The following SGK1 variants were observed in gnomAD, a reference collection of about 807,000 sequenced individuals.
SGK1 encodes serine/threonine-protein kinase Sgk1.
SGK1 carries 26 observed loss-of-function variants against 64.2 expected under a neutral mutation model. The observed-to-expected ratio is 0.40, with a 90% confidence interval of 0.30 to 0.56. The LOEUF is 0.56. Ranked by LOEUF, SGK1 falls within the 20% of genes least tolerant of loss-of-function variation. The pLI is 0.38. For synonymous variants in SGK1, 265 were observed against 239.7 expected (o/e 1.11, Z -0.98); for missense variants, 519 against 645.6 (o/e 0.80, Z 2.12).
intron 3 of SGK1, among the ~76,000 whole-genome samples, 162 bp downstream of exon 3, chr6:134,207,194 C>G (rs971924380): frequency 1.3e-5 from 2 of 152,080 alleles, no homozygotes; most frequent in African/African-American, 4.8e-5. Flanking sequence ...CCACTGCCCT[C>G]CAACCTGGGC....
chr6:134,179,765 T>C (rs1775304015), intron 3 of SGK1, among the ~76,000 whole-genome samples: 1 of 152,070 alleles, frequency 6.6e-6, no homozygotes, highest in Non-Finnish European at 1.5e-5. Context: ...TATCGCAGGG[T>C]TTATATTTTT....
intron 2 of SGK1, among the ~76,000 whole-genome samples, chr6:134,226,693 CAA>C (rs559207535): frequency 7.7e-6 from 1 of 130,116 alleles, no homozygotes. Flanking sequence ...GACCCTGTCT[CAA>C]AAAAAAAAAT....
intron 2 of SGK1, among the ~76,000 whole-genome samples, chr6:134,212,504 G>A (rs906041825): frequency 6.6e-6 from 1 of 151,950 alleles, no homozygotes; most frequent in Non-Finnish European, 1.5e-5. Context: ...CACTGCTCTC[G>A]AGGAGCTTAT....
chr6:134,208,814 AC>A (rs1433768722), intron 2 of SGK1, among the ~76,000 whole-genome samples: 1 of 150,724 alleles, frequency 6.6e-6, no homozygotes, highest in African/African-American at 2.5e-5. Flanking sequence ...ATACACACAT[AC>A]ACGCATGTAT....
At chr6:134,283,912 A>T (rs1196642368) in intron 1 of SGK1, among the ~76,000 whole-genome samples, 3 of 133,140 alleles carry the variant, frequency 2.3e-5, no homozygotes, top group South Asian at 2.6e-4. Context: ...AAAAAGCCTG[A>T]CCAATCTTTC....
chr6:134,303,265 G>A lies in SGK1; in HGVS notation c.69+14127C>T, dbSNP rs548316630. On this transcript the variant is annotated intron_variant, in intron 1 of 13. Transcript: ENST00000367858. ...AAATTAGCGGGGCGTGGTGGCAGGC[G>A]CCTGTAATCCCAGCTACTCAGGAGG... 3.9e-5 allele frequency among the ~76,000 whole-genome samples: 6 copies of A among 151,972 alleles called. No homozygotes were observed. In the South Asian group the frequency reaches 1.0e-3, roughly 26 times the overall value.
At chr6:134,185,014 C>T (rs1463496327) in intron 3 of SGK1, among the ~76,000 whole-genome samples, 1 of 152,244 alleles carries the variant, frequency 6.6e-6, no homozygotes, top group Non-Finnish European at 1.5e-5. Flanking sequence ...TTTGCCACAT[C>T]ATCCCTGGTG....
intron 3 of SGK1, among the ~76,000 whole-genome samples, chr6:134,182,661 C>A (rs575024732): frequency 6.6e-6 from 1 of 152,280 alleles, no homozygotes; most frequent in South Asian, 2.1e-4. Flanking sequence ...CAAAACAATA[C>A]ATCAAGTAAT....
chr6:134,307,576 A>G lies in SGK1; in HGVS notation c.69+9816T>C, dbSNP rs1167980002. ...CATACCCTCCCTAACATTTAAAATG[A>G]TCTCTAGATTGCTTATAATAGCAAA... On this transcript the variant is annotated intron_variant, in intron 1 of 13. Coordinates refer to ENST00000367858, the MANE Select transcript of SGK1 (RefSeq NM_001143676.3). Among the ~76,000 whole-genome samples the G allele has an allele frequency of 2.6e-5, 4 of 152,168 alleles. No individual in the cohort carries two copies. In the South Asian group the frequency reaches 8.3e-4, roughly 32 times the overall value.
rs779590533 is a variant in SGK1, at chr6:134,174,602, G to C, written c.362-16C>G. 14 of 1,611,942 alleles carry C rather than the reference G, an allele frequency of 8.7e-6. No individual in the cohort carries two copies. The highest frequency in any genetic ancestry group is 1.7e-5 in the Admixed American group (1 of 60,008). On this transcript the variant is annotated splice_polypyrimidine_tract_variant and intron_variant, in intron 3 of 13. Transcript: ENST00000367858. ...TTCATGAAAGCTGTGGATGAAGGAG[G>C]AGAAATAAAGAAACGTTTAGACGGC...
At chr6:134,234,227 C>T (rs1239145555) in intron 2 of SGK1, among the ~76,000 whole-genome samples, 3 of 152,120 alleles carry the variant, frequency 2.0e-5, no homozygotes, top group African/African-American at 7.2e-5. Flanking sequence ...CATGGTGAAA[C>T]CCCATCTCTA....
chr6:134,199,772 T>A (rs1775653687), intron 3 of SGK1, among the ~76,000 whole-genome samples: 1 of 152,082 alleles, frequency 6.6e-6, no homozygotes, highest in Admixed American at 6.6e-5. Flanking sequence ...GCTCTTTAAT[T>A]TTTGTTTGAA....
chr6:134,175,590 C>A, intron 3 of SGK1: 1 of 1,570,432 alleles, frequency 6.4e-7, no homozygotes, highest in South Asian at 1.2e-5. Flanking sequence ...GCGCCTCGGC[C>A]CTCTTTTTGT....
In SGK1 at chr6:134,278,510, G is replaced by T. The variant is rs547331106; in HGVS notation, c.70-16362C>A. ...TTGTTCGTTGAGTCCTCTTATAAAA[G>T]AAATTGCACAGTACACTCAATTTCA... On this transcript the variant is annotated intron_variant, in intron 1 of 13. Coordinates refer to ENST00000367858, the MANE Select transcript of SGK1 (RefSeq NM_001143676.3). Among the ~76,000 whole-genome samples, 8 of 152,218 alleles carry T rather than the reference G, an allele frequency of 5.3e-5. No homozygotes were observed. The South Asian group carries it at 1.0e-3, about 20-fold the overall frequency.
intron 1 of SGK1, among the ~76,000 whole-genome samples, chr6:134,275,476 T>TACA (rs1402473954): frequency 6.6e-6 from 1 of 152,254 alleles, no homozygotes; most frequent in African/African-American, 2.4e-5. Context: ...TCAAACCTGT[T>TACA]TCATCAGGAT....
intron 1 of SGK1, among the ~76,000 whole-genome samples, chr6:134,314,648 A>T (rs769371047): frequency 6.6e-6 from 1 of 152,226 alleles, no homozygotes; most frequent in Non-Finnish European, 1.5e-5. Flanking sequence ...ATAGTGACTG[A>T]CAGACAGCTA....
At chr6:134,300,684 G>T (rs1777439964) in intron 1 of SGK1, among the ~76,000 whole-genome samples, 1 of 146,006 alleles carries the variant, frequency 6.8e-6, no homozygotes, top group Admixed American at 6.8e-5. Context: ...CCAGGCTGGA[G>T]TGCAATGGCA....
At chr6:134,203,244 AAAAAAT>A (rs1292153580) in intron 3 of SGK1, among the ~76,000 whole-genome samples, 3 of 152,216 alleles carry the variant, frequency 2.0e-5, no homozygotes, top group Non-Finnish European at 4.4e-5. Flanking sequence ...CTCTGTCTCA[AAAAAAT>A]AAAAATAAAA....
intron 2 of SGK1, among the ~76,000 whole-genome samples, chr6:134,229,133 G>A (rs759333748): frequency 3.9e-5 from 6 of 152,226 alleles, no homozygotes; most frequent in Non-Finnish European, 5.9e-5. Flanking sequence ...GCCCAGCGCG[G>A]GTCTTGTAGT....
Sources: allele counts gnomAD v4.1 joint callset (sites outside exome capture counted in the v4.1 genomes callset), GRCh38; gene constraint gnomAD v4.1.1; transcripts MANE v1.5; gene names NCBI Gene and HGNC (gene_info 2026-07-23, HGNC 2026-07-21).